PPP2R2B: variants seen among roughly 807,000 people sequenced by gnomAD.
The protein encoded by PPP2R2B is protein phosphatase 2 regulatory subunit Bbeta, also known as serine/threonine-protein phosphatase 2A 55 kDa regulatory subunit B beta isoform.
A neutral mutation model predicts 46.0 loss-of-function variants in PPP2R2B; 5 were observed. That is an observed-to-expected ratio of 0.11 (90% CI 0.06 to 0.23). The LOEUF is 0.23. PPP2R2B is among the 10% of genes least tolerant of loss of function. PPP2R2B has a pLI of 1.00. For missense variants in PPP2R2B, 367 were observed against 575.0 expected (o/e 0.64, Z 3.70); for synonymous variants, 215 against 206.7 (o/e 1.04, Z -0.34).
chr5:147,054,347 A>G (rs1317334650), intron 1 of PPP2R2B, among the ~76,000 whole-genome samples: 1 of 152,144 alleles, frequency 6.6e-6, no homozygotes, highest in Admixed American at 6.5e-5. Flanking sequence ...ATTTTAGTCC[A>G]TGCCATTTTT....
At chr5:146,653,370 C>T (rs185943716) in intron 5 of PPP2R2B, among the ~76,000 whole-genome samples, 3 of 152,216 alleles carry the variant, frequency 2.0e-5, no homozygotes, top group African/African-American at 7.2e-5. Flanking sequence ...GTTAAGAAAC[C>T]TCAATTAGGT....
rs555302472 is a variant in PPP2R2B at position 146,894,640 on chromosome 5, A to G, written c.79+161025T>C. On this transcript the variant is annotated intron_variant, in intron 1 of 8. Coordinates refer to the PPP2R2B transcript ENST00000336640. ...TTTTTAGTAGAAACGGGGTCTTCCC[A>G]TGTTGCCCAGGCTGGTCTTAAACTC... 6.6e-5 allele frequency among the ~76,000 whole-genome samples: 10 copies of G among 152,184 alleles called. 1 individual carries two copies. The East Asian group carries it at 1.9e-3, about 29-fold the overall frequency.
chr5:146,736,477 T>C lies in PPP2R2B; in HGVS notation c.71-35335A>G, dbSNP rs188667919. Among the ~76,000 whole-genome samples the C allele has an allele frequency of 4.6e-4, 70 of 152,302 alleles. 2 individuals carry two copies. Among genetic ancestry groups the C allele is most frequent in the Admixed American group, 3.3e-3 (51 of 15,300 alleles). On this transcript the variant is annotated intron_variant, in intron 2 of 9. Coordinates refer to ENST00000394411, the MANE Select transcript of PPP2R2B (RefSeq NM_181675.4). ...GTAAACTGAGGCCCGGAGAGATAAC[T>C]AACTTGCTCCAGATCGTGCAGGAAG... is the stretch of plus-strand genomic sequence containing the variant.
chr5:146,729,091 G>T (rs1328711003), intron 2 of PPP2R2B, among the ~76,000 whole-genome samples: 2 of 152,204 alleles, frequency 1.3e-5, no homozygotes, highest in Non-Finnish European at 2.9e-5. Flanking sequence ...TTGTTGAATG[G>T]CTGTGTCCAA....
At chr5:146,689,497 T>C (rs1561834872) in intron 5 of PPP2R2B, among the ~76,000 whole-genome samples, 1 of 152,176 alleles carries the variant, frequency 6.6e-6, no homozygotes, top group Non-Finnish European at 1.5e-5. Context: ...CAACAGGCAA[T>C]GTAGTCTAGG....
At chr5:146,873,951 C>T (rs1052604301) in intron 2 of PPP2R2B, among the ~76,000 whole-genome samples, 3 of 152,226 alleles carry the variant, frequency 2.0e-5, no homozygotes, top group African/African-American at 7.2e-5. Context: ...TTCCTTGAAT[C>T]AGTTAGGCTA....
intron 5 of PPP2R2B, among the ~76,000 whole-genome samples, chr5:146,660,829 G>T (rs1167083946): frequency 3.3e-5 from 5 of 152,138 alleles, no homozygotes; most frequent in African/African-American, 1.2e-4. Context: ...TTTATTAAGT[G>T]CCAATCACTG....
intron 1 of PPP2R2B, among the ~76,000 whole-genome samples, chr5:146,907,489 A>G (rs1440416679): frequency 6.6e-6 from 1 of 152,250 alleles, no homozygotes; most frequent in East Asian, 1.9e-4. Flanking sequence ...GTCCTTACAG[A>G]AGGGCAAAGT....
At chr5:146,796,498 G>C (rs1561913982) in intron 2 of PPP2R2B, among the ~76,000 whole-genome samples, 1 of 152,170 alleles carries the variant, frequency 6.6e-6, no homozygotes, top group East Asian at 1.9e-4. Context: ...CCCACAATGT[G>C]CCATATACTG....
intron 2 of PPP2R2B, among the ~76,000 whole-genome samples, chr5:146,723,179 C>T (rs781535633): frequency 6.6e-6 from 1 of 152,062 alleles, no homozygotes; most frequent in Non-Finnish European, 1.5e-5. Context: ...CACTATATTC[C>T]CAGTGTATGG....
intron 5 of PPP2R2B, among the ~76,000 whole-genome samples, chr5:146,652,160 G>C (rs1776012405): frequency 6.6e-6 from 1 of 152,176 alleles, no homozygotes; most frequent in African/African-American, 2.4e-5. Context: ...GGAGACCAGG[G>C]TTCTGATCAG....
At chr5:146,643,891 C>T (rs1211600813) in intron 6 of PPP2R2B, among the ~76,000 whole-genome samples, 2 of 152,220 alleles carry the variant, frequency 1.3e-5, no homozygotes, top group East Asian at 1.9e-4. Context: ...AAGGACCATG[C>T]AGCAAGTATT....
chr5:146,969,676 G>A (rs955367379), intron 1 of PPP2R2B, among the ~76,000 whole-genome samples: 1 of 152,206 alleles, frequency 6.6e-6, no homozygotes, highest in African/African-American at 2.4e-5. Flanking sequence ...TCATTTAGGA[G>A]GTTGTGCCTG....
intron 2 of PPP2R2B, among the ~76,000 whole-genome samples, chr5:146,835,003 C>T (rs1759193791): frequency 6.6e-6 from 1 of 152,042 alleles, no homozygotes; most frequent in African/African-American, 2.4e-5. Context: ...AAATGTACCA[C>T]ATTTTGTTAG....
chr5:146,937,739 C>A (rs921678716), intron 1 of PPP2R2B, among the ~76,000 whole-genome samples: 17 of 152,018 alleles, frequency 1.1e-4, no homozygotes, highest in African/African-American at 3.4e-4. Flanking sequence ...CTCGGTACAG[C>A]TCTTGGTTAT....
chr5:146,692,593 G>A (rs1464242609), intron 4 of PPP2R2B, among the ~76,000 whole-genome samples: 2 of 149,016 alleles, frequency 1.3e-5, no homozygotes, highest in Non-Finnish European at 3.0e-5. Context: ...GAGCGCAGTG[G>A]CACAATCTCA....
chr5:146,878,886 G>T, upstream of PPP2R2B: 1 of 1,157,652 alleles, frequency 8.6e-7, no homozygotes, highest in African/African-American at 1.6e-5. The surrounding 1 kb of genome is among the most constrained non-coding windows in gnomAD (Gnocchi z 4.5). Context: ...GCTGCAGTGG[G>T]GCGCATGCAG....
intron 2 of PPP2R2B, among the ~76,000 whole-genome samples, chr5:146,761,567 T>C (rs1045865593): frequency 4.0e-5 from 6 of 151,764 alleles, no homozygotes; most frequent in Admixed American, 3.3e-4. Context: ...TGTATACATA[T>C]GTAACAAACC....
At chr5:146,851,823 A>ATT (rs11436255) in intron 2 of PPP2R2B, among the ~76,000 whole-genome samples, 1 of 148,750 alleles carries the variant, frequency 6.7e-6, no homozygotes, top group African/African-American at 2.5e-5. Context: ...GAGAGTCTTC[A>ATT]TTTTTTTTTT....
Sources: gnomAD v4.1 joint callset for allele counts (sites outside exome capture counted in the v4.1 genomes callset) on GRCh38, gnomAD v4.1.1 for gene constraint, Gnocchi (gnomAD v3.1) non-coding constraint, MANE v1.5 for transcripts, NCBI Gene and HGNC (gene_info 2026-07-23, HGNC 2026-07-21) for gene names.